The following COL23A1 variants were observed in gnomAD, a reference collection of about 807,000 sequenced individuals.
The protein encoded by COL23A1 is collagen alpha-1(XXIII) chain.
Under a neutral mutation model 99.3 loss-of-function variants are expected in COL23A1, and 97 were observed. That is an observed-to-expected ratio of 0.98 (90% CI 0.83 to 1.16). COL23A1 has a LOEUF of 1.16. COL23A1 is among the 50% of genes most tolerant of loss of function. The pLI is 0.00. For missense variants in COL23A1, 762 were observed against 757.4 expected, an observed-to-expected ratio of 1.01 and a Z score of -0.07; for synonymous variants, 320 against 308.2, an observed-to-expected ratio of 1.04 and a Z score of -0.40.
chr5:178,317,216 C>T (rs1308635153), intron 2 of COL23A1, among the ~76,000 whole-genome samples: 2 of 152,192 alleles, frequency 1.3e-5, no homozygotes, highest in Admixed American at 1.3e-4. Flanking sequence ...TATTATTCTT[C>T]AAGGACTGTG....
At chr5:178,278,684 C>T (rs1232153861) in intron 5 of COL23A1, among the ~76,000 whole-genome samples, 2 of 152,152 alleles carry the variant, frequency 1.3e-5, no homozygotes, top group African/African-American at 4.8e-5. Flanking sequence ...TACCTCCTGC[C>T]CCACATACCC....
At chr5:178,288,638 C>T (rs1013913796) in intron 4 of COL23A1, 12 of 545,530 alleles carry the variant, frequency 2.2e-5, no homozygotes, top group Non-Finnish European at 3.4e-5. Flanking sequence ...GTAAATGCCA[C>T]GTGGGGACGT....
chr5:178,410,143 G>A (rs1764986438), intron 2 of COL23A1, among the ~76,000 whole-genome samples: 1 of 152,162 alleles, frequency 6.6e-6, no homozygotes, highest in Non-Finnish European at 1.5e-5. Flanking sequence ...ACATAATACA[G>A]TATGAAAACA....
intron 1 of COL23A1, among the ~76,000 whole-genome samples, chr5:178,573,625 TA>T (rs1032226143): frequency 2.0e-5 from 3 of 152,254 alleles, no homozygotes; most frequent in Admixed American, 2.0e-4. Flanking sequence ...CATTATTTTT[TA>T]AAATTATTTT....
intron 2 of COL23A1, among the ~76,000 whole-genome samples, chr5:178,342,317 G>T (rs555953649): frequency 6.6e-6 from 1 of 152,312 alleles, no homozygotes; most frequent in Non-Finnish European, 1.5e-5. Context: ...GCACCAAGGT[G>T]GTTTCCTGGC....
At chr5:178,311,069 G>A (rs972500582) in intron 2 of COL23A1, among the ~76,000 whole-genome samples, 2 of 152,040 alleles carry the variant, frequency 1.3e-5, no homozygotes, top group African/African-American at 4.8e-5. Flanking sequence ...GAAGGCCACT[G>A]TCCCCCACTC....
intron 2 of COL23A1, among the ~76,000 whole-genome samples, chr5:178,314,329 C>G (rs1299620305): frequency 6.6e-6 from 1 of 152,144 alleles, no homozygotes. Flanking sequence ...ATCTGGAAAG[C>G]CAACACCACA....
intron 2 of COL23A1, among the ~76,000 whole-genome samples, chr5:178,359,294 C>A (rs1349040134): frequency 6.6e-6 from 1 of 152,202 alleles, no homozygotes; most frequent in Non-Finnish European, 1.5e-5. Flanking sequence ...GAGGCCGAGG[C>A]AGGTGGATCA....
At chr5:178,542,299 G>A (rs1435969052) in intron 2 of COL23A1, among the ~76,000 whole-genome samples, 1 of 152,146 alleles carries the variant, frequency 6.6e-6, no homozygotes, top group Non-Finnish European at 1.5e-5. Flanking sequence ...CCAAAGTGCT[G>A]GGATTACAAA....
intron 17 of COL23A1, among the ~76,000 whole-genome samples, chr5:178,252,152 T>A (rs1765071716): frequency 6.6e-6 from 1 of 152,038 alleles, no homozygotes; most frequent in Admixed American, 6.6e-5. Flanking sequence ...TGACCTCAGG[T>A]GATCCACCTG....
At chr5:178,473,175 A>G (rs1457762728) in intron 2 of COL23A1, among the ~76,000 whole-genome samples, 1 of 152,142 alleles carries the variant, frequency 6.6e-6, no homozygotes, top group Non-Finnish European at 1.5e-5. Flanking sequence ...AAAAAATCAT[A>G]CAAATAAAAA....
At chr5:178,525,670 AGG>A (rs1760261557) in intron 2 of COL23A1, among the ~76,000 whole-genome samples, 3 of 8,854 alleles carry the variant, frequency 3.4e-4, no homozygotes, top group Non-Finnish European at 4.6e-4. Context: ...CGCAGACCCC[AGG>A]ACCCGAAGGC....
intron 2 of COL23A1, chr5:178,344,766 G>T: frequency 2.1e-6 from 1 of 479,730 alleles, no homozygotes; most frequent in South Asian, 1.9e-5. Context: ...CCTACTGTAT[G>T]CCCGTTGCCT....
Position 178,247,773 on chromosome 5 carries a change from A to G in COL23A1, c.1269+2T>C. The stretch of plus-strand genomic sequence containing the variant: ...AACCAAACCAAAGCAAACCGTCCTT[A>G]CCATCGGGCCTGGGGGGCCAGGGGG... On this transcript the variant is annotated splice_donor_variant, in intron 21 of 28. Transcript: ENST00000390654. LOFTEE classifies it high-confidence loss of function. The G allele has an allele frequency of 6.2e-7, 1 of 1,612,974 alleles. No homozygotes were observed. The highest frequency in any genetic ancestry group is 8.5e-7 in the Non-Finnish European group (1 of 1,179,190).
chr5:178,289,280 T>A (rs949162166), intron 4 of COL23A1, among the ~76,000 whole-genome samples: 29 of 152,182 alleles, frequency 1.9e-4, no homozygotes, highest in African/African-American at 7.0e-4. Flanking sequence ...AATGTGCTTC[T>A]TGAGTGGATT....
In COL23A1 at chr5:178,577,267, T is replaced by C. The variant is rs370712758; in HGVS notation, c.294+12637A>G. Among the ~76,000 whole-genome samples, 1,397 of 152,192 alleles carry C rather than the reference T, an allele frequency of 9.2e-3. 22 individuals are homozygous for C. The highest frequency in any genetic ancestry group is 0.031 in the African/African-American group (1,282 of 41,544). On this transcript the variant is annotated intron_variant, in intron 1 of 28. Coordinates refer to ENST00000390654, the MANE Select transcript of COL23A1 (RefSeq NM_173465.4). The stretch of plus-strand genomic sequence containing the variant: ...TCCCGAGCCCTCTCCCTGCGGCTGG[T>C]GGTCCCAGCGTGCTGGCCGCGTCTC...
At chr5:178,537,863 C>T (rs1287193835) in intron 2 of COL23A1, among the ~76,000 whole-genome samples, 1 of 152,204 alleles carries the variant, frequency 6.6e-6, no homozygotes, top group Admixed American at 6.5e-5. Context: ...TGTCGTGCCA[C>T]CATCACCACG....
chr5:178,303,986 C>T (rs1758207864), intron 3 of COL23A1, among the ~76,000 whole-genome samples: 1 of 152,230 alleles, frequency 6.6e-6, no homozygotes, highest in Admixed American at 6.5e-5. Flanking sequence ...AGAAAGATGA[C>T]TCCAGAGTGC....
At chr5:178,343,663 A>ATTT (rs745537028) in intron 2 of COL23A1, among the ~76,000 whole-genome samples, 1 of 134,344 alleles carries the variant, frequency 7.4e-6, no homozygotes, top group African/African-American at 2.7e-5. Context: ...ATATATATAT[A>ATTT]TTTTTTTTTT....
Sources: allele counts gnomAD v4.1 joint callset (sites outside exome capture counted in the v4.1 genomes callset), GRCh38; gene constraint gnomAD v4.1.1; transcripts MANE v1.5; gene names NCBI Gene and HGNC (gene_info 2026-07-23, HGNC 2026-07-21).